SEC14L5: variants seen among roughly 807,000 people sequenced by gnomAD.
SEC14L5 encodes the protein SEC14-like protein 5.
A neutral mutation model predicts 84.6 loss-of-function variants in SEC14L5; 96 were observed. The ratio of observed to expected loss-of-function variants is 1.13; its 90% CI spans 0.96 to 1.34. The LOEUF is 1.34. Ranked by LOEUF, SEC14L5 falls within the 40% of genes most tolerant of loss-of-function variation. The pLI is 0.00. For synonymous variants in SEC14L5, 546 were observed against 383.4 expected (o/e 1.42, Z -4.95); for missense variants, 1,224 against 942.5 (o/e 1.30, Z -3.91).
At chr16:4,970,530 A>C (rs1345312842) in intron 2 of SEC14L5, among the ~76,000 whole-genome samples, 1 of 152,168 alleles carries the variant, frequency 6.6e-6, no homozygotes, top group East Asian at 1.9e-4. Context: ...CCTCTGCGCA[A>C]AATCCTGACA....
chr16:4,996,282 A>G, intron 6 of SEC14L5, 66 bp from the exon 7 acceptor site: 1 of 989,704 alleles, frequency 1.0e-6, no homozygotes, highest in Non-Finnish European at 1.6e-6. Context: ...GGAATGGCAC[A>G]CAGACCACAT....
chr16:4,969,117 T>C (rs1471151813), intron 2 of SEC14L5, among the ~76,000 whole-genome samples: 1 of 152,252 alleles, frequency 6.6e-6, no homozygotes, highest in African/African-American at 2.4e-5. Context: ...AGCAATGTTT[T>C]CTACCTTGAA....
intron 15 of SEC14L5, among the ~76,000 whole-genome samples, chr16:5,012,052 G>C (rs1955811331): frequency 6.6e-6 from 1 of 152,318 alleles, no homozygotes; most frequent in Admixed American, 6.5e-5. Flanking sequence ...GGAAGGTGCT[G>C]AGTCTAGACC....
chr16:5,004,905 A>C (rs773757096), intron 11 of SEC14L5, among the ~76,000 whole-genome samples: 20 of 152,226 alleles, frequency 1.3e-4, no homozygotes, highest in Non-Finnish European at 2.8e-4. Flanking sequence ...TTCGTCCATA[A>C]GAAGGAAGGA....
chr16:4,996,610 G>T (rs866051227), intron 7 of SEC14L5, 150 bp downstream of exon 7: 1 of 624,498 alleles, frequency 1.6e-6, no homozygotes, highest in East Asian at 2.8e-5. Context: ...GTGAGACAAA[G>T]TCTCACTCTG....
At chr16:4,969,265 A>G (rs1057042121) in intron 2 of SEC14L5, among the ~76,000 whole-genome samples, 2 of 152,258 alleles carry the variant, frequency 1.3e-5, no homozygotes, top group Non-Finnish European at 2.9e-5. Flanking sequence ...GCATTCATGC[A>G]TGTGTGCATT....
chr16:5,000,154 G>A (rs1270645181), intron 8 of SEC14L5, among the ~76,000 whole-genome samples: 2 of 151,848 alleles, frequency 1.3e-5, no homozygotes, highest in Non-Finnish European at 2.9e-5. Flanking sequence ...AGCCGGGTGC[G>A]GTGGTGGGCG....
At chr16:4,993,966 C>CTT (rs374711543) in intron 6 of SEC14L5, among the ~76,000 whole-genome samples, 7,828 of 138,504 alleles carry the variant, frequency 0.057, 476 homozygotes, top group African/African-American at 0.13. Context: ...GACTGTTTTC[C>CTT]TTTTTTTTTT....
At chr16:4,998,829 G>A (rs1359962056) in intron 8 of SEC14L5, among the ~76,000 whole-genome samples, 2 of 151,078 alleles carry the variant, frequency 1.3e-5, no homozygotes, top group East Asian at 3.9e-4. Flanking sequence ...GGCTGGCATG[G>A]TTTCTCTTAA....
intron 2 of SEC14L5, among the ~76,000 whole-genome samples, chr16:4,984,082 T>C (rs1955460033): frequency 6.6e-6 from 1 of 152,092 alleles, no homozygotes; most frequent in Non-Finnish European, 1.5e-5. Flanking sequence ...TTTCAGTAGA[T>C]TCATAATATT....
At chr16:5,010,265 A>G (rs1049917052) in intron 14 of SEC14L5, among the ~76,000 whole-genome samples, 1 of 150,902 alleles carries the variant, frequency 6.6e-6, no homozygotes, top group African/African-American at 2.4e-5. Flanking sequence ...TCGGGAGGCT[A>G]AGGCAGGAGA....
At chr16:4,997,478 C>G (rs1188861143) in intron 8 of SEC14L5, among the ~76,000 whole-genome samples, 1 of 152,202 alleles carries the variant, frequency 6.6e-6, no homozygotes, top group South Asian at 2.1e-4. Context: ...TCTAGAAATG[C>G]TTTGAAGTGA....
intron 4 of SEC14L5, among the ~76,000 whole-genome samples, chr16:4,989,302 T>G (rs1164708490): frequency 1.3e-5 from 2 of 149,476 alleles, no homozygotes; most frequent in African/African-American, 4.9e-5. Flanking sequence ...GTACGTGTTT[T>G]TTTTTTTGTT....
rs1263314976 is a variant in SEC14L5, at chr16:4,996,374, G to C, written c.694G>C (p.Glu232Gln). ...DGDKLDADYI[E>Q]RCLGHLTPMQ... The stretch of plus-strand genomic sequence containing the variant: ...GGACAAGCTGGATGCGGACTACATT[G>C]AGAGGTGCCTGGGCCACCTCACGCC... The change falls in exon 7 of 16, where the codon GAG becomes CAG. Residue 232 changes from glutamate to glutamine, a missense_variant. Physicochemically the swap from Glu to Gln is conservative, Grantham distance 29. Transcript: ENST00000251170. 1 of 1,563,424 alleles carries C rather than the reference G, an allele frequency of 6.4e-7. No individual in the cohort carries two copies. The highest frequency in any genetic ancestry group is 1.9e-5 in the Admixed American group (1 of 52,410).
chr16:4,969,375 C>G (rs1205860747), intron 2 of SEC14L5, among the ~76,000 whole-genome samples: 1 of 151,858 alleles, frequency 6.6e-6, no homozygotes, highest in Non-Finnish European at 1.5e-5. Context: ...CAAATGTGCA[C>G]TGATCTAGTA....
At chr16:4,995,539 C>G (rs1955599502) in intron 6 of SEC14L5, among the ~76,000 whole-genome samples, 1 of 152,142 alleles carries the variant, frequency 6.6e-6, no homozygotes, top group Non-Finnish European at 1.5e-5. Flanking sequence ...TCAGCCACCT[C>G]CTTTGTGCTG....
At chr16:4,960,715 CT>C (rs1955111186) in intron 2 of SEC14L5, 1 of 152,212 alleles carries the variant, frequency 6.6e-6, no homozygotes. Flanking sequence ...CAATGGGAAT[CT>C]CCTGGCTTCC....
At chr16:4,984,262 C>T (rs532582583) in intron 2 of SEC14L5, among the ~76,000 whole-genome samples, 10 of 152,316 alleles carry the variant, frequency 6.6e-5, no homozygotes, top group African/African-American at 2.2e-4. Context: ...CCGTTCTGAA[C>T]ATTTCATATA....
chr16:4,974,822 G>T (rs1430320991), intron 2 of SEC14L5, among the ~76,000 whole-genome samples: 1 of 152,052 alleles, frequency 6.6e-6, no homozygotes, highest in Non-Finnish European at 1.5e-5. Context: ...CTGTCACCCA[G>T]GCTGGAGTAC....
Sources: gnomAD v4.1 joint callset for allele counts (sites outside exome capture counted in the v4.1 genomes callset) on GRCh38, gnomAD v4.1.1 for gene constraint, MANE v1.5 for transcripts, NCBI Gene and HGNC (gene_info 2026-07-23, HGNC 2026-07-21) for gene names.